PPP1R42: variants seen among roughly 807,000 people sequenced by gnomAD.
PPP1R42 encodes the protein leucine rich repeat containing 67.
A neutral mutation model predicts 31.0 loss-of-function variants in PPP1R42; 34 were observed. The ratio of observed to expected loss-of-function variants is 1.10; its 90% CI spans 0.83 to 1.46. The LOEUF (loss-of-function observed/expected upper bound fraction) is 1.46. Ranked by LOEUF, PPP1R42 falls within the 40% of genes most tolerant of loss-of-function variation. PPP1R42 has a pLI of 0.00. For missense variants in PPP1R42, 268 were observed against 303.0 expected, an observed-to-expected ratio of 0.88 and a Z score of 0.86; for synonymous variants, 103 against 109.8, an observed-to-expected ratio of 0.94 and a Z score of 0.39.
chr8:67,014,370 T>A (rs960763262), intron 3 of PPP1R42, 56 bp downstream of exon 3: 4 of 1,077,246 alleles, frequency 3.7e-6, no homozygotes, highest in Non-Finnish European at 3.8e-6. Flanking sequence ...TGCAAAAAAA[T>A]GTAAGTACCA....
intron 5 of PPP1R42, among the ~76,000 whole-genome samples, chr8:67,000,500 C>T (rs1015756460): frequency 5.3e-5 from 8 of 152,200 alleles, no homozygotes; most frequent in African/African-American, 1.9e-4. Flanking sequence ...ACTCTGTTGC[C>T]CAGGCTGGAG....
At chr8:67,026,948 T>G (rs939314672) in intron 1 of PPP1R42, 18 of 151,280 alleles carry the variant, frequency 1.2e-4, no homozygotes, top group African/African-American at 4.1e-4. Flanking sequence ...TTGCTCAGGT[T>G]GGAGTTCAGT....
At chr8:66,994,251 T>G (rs1001244378) in intron 5 of PPP1R42, among the ~76,000 whole-genome samples, 1 of 152,178 alleles carries the variant, frequency 6.6e-6, no homozygotes, top group African/African-American at 2.4e-5. Context: ...GCCTCTGTAA[T>G]GAGGCATATC....
intron 7 of PPP1R42, among the ~76,000 whole-genome samples, chr8:66,970,628 TG>T (rs1814511461): frequency 2.6e-5 from 4 of 152,320 alleles, no homozygotes; most frequent in Non-Finnish European, 5.9e-5. Context: ...CACCCACTGG[TG>T]GACTAGTCAT....
intron 6 of PPP1R42, chr8:66,985,993 A>T: frequency 1.3e-6 from 1 of 744,312 alleles, no homozygotes; most frequent in East Asian, 2.5e-5. Flanking sequence ...CTAGACTTGG[A>T]ATGCCTAGAG....
intron 3 of PPP1R42, among the ~76,000 whole-genome samples, chr8:67,014,069 C>CT (rs1815925995): frequency 6.6e-6 from 1 of 152,178 alleles, no homozygotes; most frequent in Admixed American, 6.5e-5. Context: ...GTGGAAACTT[C>CT]TTTTATCAGT....
At chr8:67,022,091 C>T (rs2129537184) in intron 1 of PPP1R42, among the ~76,000 whole-genome samples, 1 of 152,240 alleles carries the variant, frequency 6.6e-6, no homozygotes, top group Admixed American at 6.5e-5. Context: ...TTACTATATA[C>T]TGCCAAATTT....
intron 5 of PPP1R42, among the ~76,000 whole-genome samples, chr8:66,991,219 C>T (rs561356149): frequency 1.6e-4 from 25 of 152,130 alleles, no homozygotes; most frequent in African/African-American, 6.0e-4. Context: ...TTTTTGGAGC[C>T]ATGATATTTA....
chr8:66,992,520 G>A (rs1465687060), intron 5 of PPP1R42, among the ~76,000 whole-genome samples: 2 of 152,146 alleles, frequency 1.3e-5, no homozygotes, highest in African/African-American at 2.4e-5. Flanking sequence ...GCATCAGCAC[G>A]TTTCCAGAGA....
At chr8:67,010,166 T>C (rs1815801853) in intron 5 of PPP1R42, among the ~76,000 whole-genome samples, 1 of 152,226 alleles carries the variant, frequency 6.6e-6, no homozygotes, top group Non-Finnish European at 1.5e-5. Flanking sequence ...TCCTTTGTTC[T>C]ACACTGAGTA....
chr8:66,986,011 C>T (rs939221388), intron 6 of PPP1R42: 2 of 748,810 alleles, frequency 2.7e-6, no homozygotes, highest in Admixed American at 1.8e-5. Flanking sequence ...GAGCTTCCGC[C>T]TTCCTCCTAC....
rs1401240324 is a variant in PPP1R42 at position 67,028,505 on chromosome 8, T to G, written c.-99A>C. ...GGGCAGCTCACCGCTCGCGGGACAG[T>G]CCGGTAGCTAACTCCAGTTTGGTCG... On this transcript the variant is annotated 5_prime_UTR_variant, in exon 1 of 8. Transcript: ENST00000685739. The G allele has an allele frequency of 1.0e-6, 1 of 985,532 alleles. No individual in the cohort carries two copies. The highest frequency in any genetic ancestry group is 1.2e-6 in the Non-Finnish European group (1 of 829,980). The allele number at this position is 985,532 out of a possible 1,614,324, so 61.0% of individuals were successfully genotyped here. A position where few individuals can be genotyped will look rare whatever the true frequency, so the allele number is the denominator to read the frequency against.
rs1014296141 is a variant in PPP1R42 at position 67,001,070 on chromosome 8, T to A, written c.552+9645A>T. On this transcript the variant is annotated intron_variant, in intron 5 of 7. Coordinates refer to ENST00000685739, the MANE Select transcript of PPP1R42 (RefSeq NM_001364910.1). ...ATAAATTTTCCTTATATATCTCTGGTAATATTTCTTGTCCTAGAATCTTTT... is the reference window on the plus strand; with the variant it reads ...ATAAATTTTCCTTATATATCTCTGGAAATATTTCTTGTCCTAGAATCTTTT... Among the ~76,000 whole-genome samples the A allele has an allele frequency of 3.3e-5, 5 of 152,172 alleles. No homozygotes were observed. In the East Asian group the frequency reaches 9.6e-4, roughly 29 times the overall value.
chr8:66,993,244 C>T (rs920368059), intron 5 of PPP1R42, among the ~76,000 whole-genome samples: 11 of 152,184 alleles, frequency 7.2e-5, no homozygotes, highest in Admixed American at 6.5e-4. Context: ...AAGTCTCCAT[C>T]ATCTCTCACT....
At chr8:67,005,707 C>A (rs1285859451) in intron 5 of PPP1R42, among the ~76,000 whole-genome samples, 1 of 152,100 alleles carries the variant, frequency 6.6e-6, no homozygotes, top group African/African-American at 2.4e-5. Context: ...AAATATAACT[C>A]ATTACTTCCA....
chr8:66,981,922 A>G lies in PPP1R42; in HGVS notation c.802+127T>C, dbSNP rs1047512641. On this transcript the variant is annotated intron_variant, in intron 7 of 7. Coordinates refer to ENST00000685739, the MANE Select transcript of PPP1R42 (RefSeq NM_001364910.1). ...GTACAACTAAGTAAATAAGTTTTAA[A>G]AAACCCCATAAAACAACAACAACAA... 9 of 1,013,466 alleles carry G rather than the reference A, an allele frequency of 8.9e-6. No homozygotes were observed. The African/African-American group carries it at 1.5e-4, about 17-fold the overall frequency. 62.8% of individuals were successfully genotyped at this position (1,013,466 alleles called of 1,614,324 possible). A position where few individuals can be genotyped will look rare whatever the true frequency, so the allele number is the denominator to read the frequency against.
intron 7 of PPP1R42, 27 bp from the exon 8 acceptor site, chr8:66,964,361 G>C: frequency 8.3e-7 from 1 of 1,200,934 alleles, no homozygotes; most frequent in South Asian, 1.4e-5. Flanking sequence ...GGAAAAAAAA[G>C]CATTAAATTA....
intron 6 of PPP1R42, chr8:66,984,432 C>G (rs1366720684): frequency 7.7e-7 from 1 of 1,302,010 alleles, no homozygotes; most frequent in African/African-American, 1.5e-5. Flanking sequence ...GGCCCCCTTC[C>G]ACTACTACCA....
chr8:66,964,416 A>G lies in PPP1R42; in HGVS notation c.803-82T>C, dbSNP rs1267778765. On this transcript the variant is annotated intron_variant, in intron 7 of 7. Transcript: ENST00000685739. ...AAAAGGTAGCAAACATACAGAATCT[A>G]GGACACAATAACAATATTAAAGGCT... 3 of 603,730 alleles carry G rather than the reference A, an allele frequency of 5.0e-6. No individual in the cohort carries two copies. In the African/African-American group the frequency reaches 5.9e-5, roughly 12 times the overall value. The allele number at this position is 603,730 out of a possible 1,614,324, so 37.4% of individuals were successfully genotyped here. A position where few individuals can be genotyped will look rare whatever the true frequency, so the allele number is the denominator to read the frequency against.
Sources: allele counts gnomAD v4.1 joint callset (sites outside exome capture counted in the v4.1 genomes callset), GRCh38; gene constraint gnomAD v4.1.1; transcripts MANE v1.5; gene names NCBI Gene and HGNC (gene_info 2026-07-23, HGNC 2026-07-21).